The following GRPR variants were observed in gnomAD, a reference collection of about 807,000 sequenced individuals.
The protein encoded by GRPR is gastrin releasing peptide receptor, also known as gastrin-releasing peptide receptor.
In GRPR, 4 loss-of-function variants were observed where a neutral mutation model predicts 15.6. The observed-to-expected ratio is 0.26, with a 90% CI of 0.13 to 0.59. The LOEUF is 0.59. GRPR is among the 20% of genes least tolerant of loss of function. The pLI is 0.90. For missense variants in GRPR, 270 were observed against 304.1 expected (o/e 0.89, Z 0.83); for synonymous variants, 128 against 126.8 (o/e 1.01, Z -0.06).
At position 16,123,986 on chromosome X, in the gene GRPR, G is replaced by A; in HGVS notation, c.33G>A (p.Leu11=). 8.3e-7 allele frequency: 1 copy of A among 1,209,358 alleles called. No individual in the cohort carries two copies. The highest frequency in any genetic ancestry group is 1.7e-5 in the African/African-American group (1 of 57,707). The change falls in exon 1 of 3, where the codon TTG becomes TTA. Residue 11 remains leucine, a synonymous_variant. Transcript: ENST00000380289. MALNDCFLLN[L]EVDHFMHCNI... ...TAAATGACTGTTTCCTTCTGAACTT[G>A]GAGGTGGACCATTTCATGCACTGCA...
intron 1 of GRPR, among the ~76,000 whole-genome samples, chrX:16,140,619 T>A (rs193205992): frequency 9.0e-6 from 1 of 111,642 alleles, no homozygotes; most frequent in East Asian, 2.8e-4. Context: ...TGAGAGTTGG[T>A]GGGTAAACAC....
chrX:16,140,823 G>A (rs1215522907), intron 1 of GRPR, among the ~76,000 whole-genome samples: 1 of 111,484 alleles, frequency 9.0e-6, no homozygotes, highest in Non-Finnish European at 1.9e-5. Flanking sequence ...GGGTCTGTTT[G>A]GAGGTGAACG....
intron 1 of GRPR, among the ~76,000 whole-genome samples, chrX:16,128,757 G>A (rs1200298424): frequency 1.8e-5 from 2 of 110,141 alleles, no homozygotes; most frequent in African/African-American, 3.3e-5. Flanking sequence ...TGATTGGGTG[G>A]GTTACATGTA....
chrX:16,136,224 A>G (rs1922446689), intron 1 of GRPR, among the ~76,000 whole-genome samples: 1 of 111,634 alleles, frequency 9.0e-6, no homozygotes, highest in African/African-American at 3.3e-5. Context: ...CCATAGTTAC[A>G]TATGAAACAG....
chrX:16,146,255 A>G (rs73635875), intron 1 of GRPR, among the ~76,000 whole-genome samples: 2,814 of 111,706 alleles, frequency 0.025, 101 homozygotes, highest in African/African-American at 0.086. Context: ...GTTGGCAAAG[A>G]ACAGAAGCCA....
Position 16,123,879 on chromosome X carries a change from C to T in GRPR, c.-75C>T. On this transcript the variant is annotated 5_prime_UTR_variant, in exon 1 of 3. Coordinates refer to ENST00000380289, the MANE Select transcript of GRPR (RefSeq NM_005314.3). ...AGCCCGGCATAGATCTTATCTTCAT[C>T]TTCACTCGGTTGCAAAATCAATAGT... 1 of 841,056 alleles carries T rather than the reference C, an allele frequency of 1.2e-6. No homozygotes were observed. 69.3% of individuals were successfully genotyped at this position (841,056 alleles called of 1,213,427 possible). A position where few individuals can be genotyped will look rare whatever the true frequency, so the allele number is the denominator to read the frequency against.
intron 1 of GRPR, among the ~76,000 whole-genome samples, chrX:16,144,680 T>C (rs1922579448): frequency 8.9e-6 from 1 of 111,887 alleles, no homozygotes; most frequent in Non-Finnish European, 1.9e-5. Flanking sequence ...TTTTGTGACC[T>C]TTCCAATGTT....
rs747542360 is a variant in GRPR, at chrX:16,152,566, C to A, written c.1076C>A (p.Thr359Asn). 3 of 1,205,610 alleles carry A rather than the reference C, an allele frequency of 2.5e-6. No individual in the cohort carries two copies. Among genetic ancestry groups the A allele is most frequent in the Non-Finnish European group, 3.4e-6 (3 of 889,681 alleles). Residue 359 changes from threonine (T) to asparagine (N), a missense_variant, in exon 3 of 3, where the codon ACC becomes AAC. Thr to Asn is a moderately conservative substitution (Grantham distance 65, BLOSUM62 0). This residue lies in a region of GRPR where 133 missense variants were observed against 123.4 expected (regional missense o/e 1.08). Transcript: ENST00000380289. ...HSTGRSTTCM[T>N]SLKSTNPSVA... ...ACTGGAAGGAGTACAACCTGCATGACCTCCCTCAAGAGTACCAACCCCTCC... is the reference window on the plus strand; with the variant it reads ...ACTGGAAGGAGTACAACCTGCATGAACTCCCTCAAGAGTACCAACCCCTCC...
At chrX:16,148,660 C>T (rs1922642686) in intron 1 of GRPR, among the ~76,000 whole-genome samples, 1 of 111,962 alleles carries the variant, frequency 8.9e-6, no homozygotes, top group African/African-American at 3.2e-5. Context: ...TATAGTAGCT[C>T]ATGTTCAATT....
At chrX:16,129,306 G>C (rs1216770104) in intron 1 of GRPR, among the ~76,000 whole-genome samples, 1 of 112,080 alleles carries the variant, frequency 8.9e-6, no homozygotes, top group Non-Finnish European at 1.9e-5. Context: ...GGTCTAACTT[G>C]GTAGCCACTA....
intron 1 of GRPR, among the ~76,000 whole-genome samples, chrX:16,128,550 T>C (rs1307328751): frequency 9.0e-6 from 1 of 111,623 alleles, no homozygotes; most frequent in East Asian, 2.8e-4. Flanking sequence ...CAATAACGTA[T>C]CACATAGTCA....
intron 1 of GRPR, among the ~76,000 whole-genome samples, chrX:16,144,980 G>A (rs968979976): frequency 1.8e-5 from 2 of 111,713 alleles, no homozygotes; most frequent in African/African-American, 6.5e-5. Context: ...ACAGGAAAAA[G>A]AGAAGAGGAA....
At chrX:16,133,640 G>C (rs779954728) in intron 1 of GRPR, among the ~76,000 whole-genome samples, 1 of 111,433 alleles carries the variant, frequency 9.0e-6, no homozygotes, top group East Asian at 2.8e-4. Context: ...TTTTCAGTGG[G>C]CATAGAATTC....
intron 1 of GRPR, among the ~76,000 whole-genome samples, chrX:16,131,927 A>G (rs1000458644): frequency 3.6e-5 from 4 of 112,199 alleles, no homozygotes; most frequent in African/African-American, 9.7e-5. Flanking sequence ...TTGGGTAAAT[A>G]TCATCCAGTA....
rs1369354338 is a variant in GRPR at position 16,124,324 on chromosome X, T to C, written c.371T>C (p.Val124Ala). ...KLIPFIQLTSVGVSVFTLTAL... is the reference protein window; with the variant it reads ...KLIPFIQLTSAGVSVFTLTAL... Reference sequence around the variant, plus strand: ...ATCCCCTTTATACAGCTTACCTCTGTTGGGGTGTCTGTCTTCACACTCACG... The same window carrying C: ...ATCCCCTTTATACAGCTTACCTCTGCTGGGGTGTCTGTCTTCACACTCACG... Residue 124 changes from valine to alanine, a missense_variant, in exon 1 of 3, where the codon GTT (valine) becomes GCT (alanine). Val to Ala is a moderately conservative substitution (Grantham distance 64). This residue lies in a region of GRPR where 115 missense variants were observed against 128.8 expected (regional missense o/e 0.89). Coordinates refer to ENST00000380289, the MANE Select transcript of GRPR (RefSeq NM_005314.3). The C allele has an allele frequency of 8.3e-7, 1 of 1,210,553 alleles. No homozygotes were observed. The highest frequency in any genetic ancestry group is 2.2e-5 in the Admixed American group (1 of 46,012).
At chrX:16,133,306 T>A (rs910209859) in intron 1 of GRPR, among the ~76,000 whole-genome samples, 1 of 111,917 alleles carries the variant, frequency 8.9e-6, no homozygotes, top group African/African-American at 3.2e-5. Context: ...AGGACACTTT[T>A]AACTTCATTT....
intron 1 of GRPR, 49 bp downstream of exon 1, chrX:16,124,415 G>A (rs1389158842): frequency 2.8e-6 from 3 of 1,084,114 alleles, no homozygotes; most frequent in Admixed American, 2.2e-5. Flanking sequence ...ATAGACGCCT[G>A]GGTAAATGAA....
rs781574441 is a variant in GRPR at position 16,152,675 on chromosome X, C to T, written c.*30C>T. ...ACCCTTGATTTTGCCCCCTGAGGGA[C>T]GGTTTTGCTTTATGGCTAGACAGGA... is the stretch of plus-strand genomic sequence containing the variant. On this transcript the variant is annotated 3_prime_UTR_variant, in exon 3 of 3. Coordinates refer to ENST00000380289, the MANE Select transcript of GRPR (RefSeq NM_005314.3). 34 of 1,160,167 alleles carry T rather than the reference C, an allele frequency of 2.9e-5. No homozygotes were observed. The highest frequency in any genetic ancestry group is 2.7e-4 in the South Asian group (15 of 55,699).
chrX:16,125,347 T>C (rs1163918220), intron 1 of GRPR, among the ~76,000 whole-genome samples: 2 of 112,462 alleles, frequency 1.8e-5, no homozygotes, highest in Non-Finnish European at 3.8e-5. Flanking sequence ...TGAATAGACT[T>C]TCAGACACAG....
Sources: allele counts gnomAD v4.1 joint callset (sites outside exome capture counted in the v4.1 genomes callset), GRCh38; gene constraint gnomAD v4.1.1; regional missense constraint gnomAD v4.1.1; transcripts MANE v1.5; gene names NCBI Gene and HGNC (gene_info 2026-07-23, HGNC 2026-07-21).